LBR: variants seen among roughly 807,000 people sequenced by gnomAD.
LBR encodes lamin B receptor, also known as delta(14)-sterol reductase LBR.
LBR carries 28 observed loss-of-function variants against 74.3 expected under a neutral mutation model. The observed-to-expected ratio is 0.38, with a 90% CI of 0.28 to 0.52. LBR has a LOEUF of 0.52. Ranked by LOEUF, LBR falls within the 20% of genes least tolerant of loss-of-function variation. LBR has a pLI of 0.89. For synonymous variants in LBR, 228 were observed against 269.3 expected, an observed-to-expected ratio of 0.85 and a Z score of 1.50; for missense variants, 717 against 760.3, an observed-to-expected ratio of 0.94 and a Z score of 0.67.
intron 1 of LBR, among the ~76,000 whole-genome samples, chr1:225,425,222 T>G (rs1424146658): frequency 2.7e-5 from 4 of 146,200 alleles, no homozygotes; most frequent in East Asian, 2.0e-4. Flanking sequence ...AGTGGGAGAG[T>G]GGGGGGGGAG....
Position 225,403,451 on chromosome 1 carries a change from A to C in LBR, c.1700T>G (p.Ile567Ser). 1 of 1,610,756 alleles carries C rather than the reference A, an allele frequency of 6.2e-7. No homozygotes were observed. Among genetic ancestry groups the C allele is most frequent in the Non-Finnish European group, 8.5e-7 (1 of 1,176,998 alleles). The change falls in exon 14 of 14, where the codon ATT becomes AGT. Residue 567 changes from isoleucine (I) to serine (S), a missense_variant. By Grantham distance (142) the Ile-to-Ser change is moderately radical (BLOSUM62 -2). Coordinates refer to ENST00000272163, the MANE Select transcript of LBR (RefSeq NM_002296.4). ...AWSLPCGFNH[I>S]LPYFYIIYFT... ...ATAAATTATGTAGAAATAAGGCAGA[A>C]TGTGGTTAAAACCTGTGGATAATAA...
chr1:225,407,282 G>A (rs566836911), intron 10 of LBR, among the ~76,000 whole-genome samples: 11 of 152,324 alleles, frequency 7.2e-5, no homozygotes, highest in African/African-American at 2.6e-4. Context: ...GACAGAGGCT[G>A]TGTGTTTTCA....
intron 6 of LBR, among the ~76,000 whole-genome samples, chr1:225,416,817 T>C (rs1558654974): frequency 6.6e-6 from 1 of 152,194 alleles, no homozygotes. Flanking sequence ...ACTTACGTTG[T>C]ATTAGGTATT....
intron 7 of LBR, chr1:225,413,795 C>G (rs1050705182): frequency 1.1e-5 from 4 of 351,588 alleles, no homozygotes; most frequent in African/African-American, 4.3e-5. Flanking sequence ...ATACTTGAAC[C>G]AGAGTAATTA....
intron 9 of LBR, 97 bp from the exon 10 acceptor site, chr1:225,410,513 C>T (rs773514576): frequency 2.3e-6 from 3 of 1,319,830 alleles, no homozygotes; most frequent in African/African-American, 2.9e-5. Flanking sequence ...AGACACCTGG[C>T]AGACGCCACC....
intron 13 of LBR, among the ~76,000 whole-genome samples, chr1:225,403,695 A>G (rs981354961): frequency 1.3e-5 from 2 of 152,134 alleles, no homozygotes; most frequent in Admixed American, 6.5e-5. Context: ...AATCCATCAC[A>G]ATCAAAACAT....
rs771523780 is a variant in LBR at position 225,417,998 on chromosome 1, G to C, written c.823C>G (p.Leu275Val). 1.4e-5 allele frequency: 23 copies of C among 1,613,932 alleles called. No homozygotes were observed. Among genetic ancestry groups the C allele is most frequent in the Non-Finnish European group, 1.8e-5 (21 of 1,179,892 alleles). Residue 275 changes from leucine (L) to valine (V), a missense_variant, in exon 6 of 14, where the codon CTG becomes GTG. Transcript: ENST00000272163. ...WFLIQVLFYL[L>V]PIGKVVEGTP... ...CATAAACGTACCTTTCCAATTGGCA[G>C]TAGGTAGAACAGGACTTGAATCAAA...
intron 11 of LBR, 25 bp from the exon 12 acceptor site, chr1:225,404,731 T>A: frequency 6.8e-7 from 1 of 1,468,008 alleles, no homozygotes; most frequent in East Asian, 2.3e-5. Context: ...TATTTTCCTA[T>A]GTTAATAACT....
intron 7 of LBR, chr1:225,413,762 T>TA (rs2096111044): frequency 2.9e-6 from 1 of 340,494 alleles, no homozygotes; most frequent in Non-Finnish European, 5.8e-6. Flanking sequence ...TTAATAATCG[T>TA]AAAATCTCGA....
chr1:225,423,408 A>G (rs2096132057), intron 2 of LBR, among the ~76,000 whole-genome samples: 1 of 151,990 alleles, frequency 6.6e-6, no homozygotes, highest in Admixed American at 6.5e-5. Context: ...ATGGAATATA[A>G]AAGCCCCCCC....
intron 10 of LBR, among the ~76,000 whole-genome samples, chr1:225,408,442 A>G (rs765545955): frequency 6.6e-6 from 1 of 152,214 alleles, no homozygotes; most frequent in Non-Finnish European, 1.5e-5. Context: ...TAAGCACCCA[A>G]TGCCGGGTAG....
chr1:225,424,305 T>C (rs1185898362), intron 1 of LBR, among the ~76,000 whole-genome samples: 1 of 152,216 alleles, frequency 6.6e-6, no homozygotes, highest in Non-Finnish European at 1.5e-5. Flanking sequence ...TATAACAATG[T>C]ATATAGGCGC....
Position 225,410,276 on chromosome 1 carries a change from CTTAAAA to C in LBR, c.1314+9_1314+14del. On this transcript the variant is annotated intron_variant, in intron 10 of 13. Transcript: ENST00000272163. ...GCCATCTGACTCCAAGGCCTCGGCT[CTTAAAA>C]TTAATTACCTCATTCCAGAGAGCAT... 6.2e-7 allele frequency: 1 copy of C among 1,613,882 alleles called. No homozygotes were observed. Among genetic ancestry groups the C allele is most frequent in the Non-Finnish European group, 8.5e-7 (1 of 1,179,902 alleles).
chr1:225,417,732 C>A, intron 6 of LBR: 1 of 350,910 alleles, frequency 2.8e-6, no homozygotes, highest in Non-Finnish European at 5.2e-6. Flanking sequence ...TTAAGTTCCT[C>A]CTAATAAGCA....
chr1:225,423,855 TAG>T (rs1229564921), intron 2 of LBR, 54 bp downstream of exon 2: 1 of 1,505,590 alleles, frequency 6.6e-7, no homozygotes, highest in African/African-American at 1.4e-5. Context: ...AAACCATACT[TAG>T]AGTTATTTCC....
rs2096087719 is a variant in LBR, at chr1:225,404,617, A to G, written c.1564+9T>C. The G allele has an allele frequency of 1.2e-6, 2 of 1,601,448 alleles. No individual in the cohort carries two copies. The highest frequency in any genetic ancestry group is 1.7e-5 in the Admixed American group (1 of 59,958). ...AATATATATAATATAAACATAAATC[A>G]ATACTTACGTGCAAGCTTTGGATCA... is the stretch of plus-strand genomic sequence containing the variant. On this transcript the variant is annotated intron_variant, in intron 12 of 13. Transcript: ENST00000272163.
chr1:225,421,227 C>T (rs1270021999), intron 3 of LBR, among the ~76,000 whole-genome samples: 6 of 152,264 alleles, frequency 3.9e-5, no homozygotes, highest in African/African-American at 1.2e-4. Context: ...GGCGCAGTGG[C>T]TCACGCCTGT....
chr1:225,419,835 T>C, intron 3 of LBR, 37 bp from the exon 4 acceptor site: 1 of 1,382,180 alleles, frequency 7.2e-7, no homozygotes, highest in Non-Finnish European at 1.0e-6. Context: ...TCAAAAGAAC[T>C]GTAACTTATT....
chr1:225,418,566 T>A (rs1290669165), intron 5 of LBR, among the ~76,000 whole-genome samples: 2 of 152,158 alleles, frequency 1.3e-5, no homozygotes, highest in Non-Finnish European at 2.9e-5. Context: ...AAACTTTATA[T>A]TCCTCAGTTT....
Sources: gnomAD v4.1 joint callset for allele counts (sites outside exome capture counted in the v4.1 genomes callset) on GRCh38, gnomAD v4.1.1 for gene constraint, MANE v1.5 for transcripts, NCBI Gene and HGNC (gene_info 2026-07-23, HGNC 2026-07-21) for gene names.